Variants in FOXO3 observed in about 807,000 individuals in gnomAD.
FOXO3 encodes forkhead box O3, also known as forkhead box protein O3.
A neutral mutation model predicts 41.9 loss-of-function variants in FOXO3; 4 were observed. The observed-to-expected ratio is 0.10, with a 90% CI of 0.05 to 0.22. The LOEUF (loss-of-function observed/expected upper bound fraction) is 0.22, where lower values mean the gene tolerates loss of function less well. Among genes scored for constraint, FOXO3 ranks in the 10% least tolerant of loss-of-function variants. The pLI, the probability that FOXO3 is intolerant of heterozygous loss-of-function variation, is 1.00. For missense variants in FOXO3, 534 were observed against 906.8 expected, an observed-to-expected ratio of 0.59 and a Z score of 5.28; for synonymous variants, 318 against 389.3, an observed-to-expected ratio of 0.82 and a Z score of 2.16.
chr6:108,657,269 C>T (rs1331588636), intron 1 of FOXO3, among the ~76,000 whole-genome samples: 6 of 152,202 alleles, frequency 3.9e-5, no homozygotes, highest in Admixed American at 6.5e-5. Flanking sequence ...CAAGCTGGTA[C>T]ATTTGTCCCT....
intron 1 of FOXO3, among the ~76,000 whole-genome samples, chr6:108,593,712 CTTTTTTTTT>C (rs34228633): frequency 2.4e-5 from 2 of 83,328 alleles, no homozygotes; most frequent in Non-Finnish European, 4.5e-5. Flanking sequence ...TTTTCTTCTT[CTTTTTTTTT>C]TTTTTTTTTT....
chr6:108,637,205 C>T (rs1429402203), intron 1 of FOXO3, among the ~76,000 whole-genome samples: 2 of 152,156 alleles, frequency 1.3e-5, no homozygotes, highest in African/African-American at 4.8e-5. Flanking sequence ...TTTTTGTCTT[C>T]CTTAATTGTC....
rs537855402 is a variant in FOXO3, at chr6:108,668,135, G to A, written c.*34+3246G>A. ...AACTTTCTTGGTTTAACTTCTTAGT[G>A]TTTCTCCAGACTGAATTCCTGGCTT... On this transcript the variant is annotated intron_variant, in intron 2 of 2. Coordinates refer to ENST00000406360, the MANE Select transcript of FOXO3 (RefSeq NM_001455.4). Among the ~76,000 whole-genome samples the A allele has an allele frequency of 1.1e-3, 168 of 152,316 alleles. 1 individual carries two copies. The highest frequency in any genetic ancestry group is 3.8e-3 in the African/African-American group (156 of 41,552).
intron 1 of FOXO3, among the ~76,000 whole-genome samples, chr6:108,653,646 C>T (rs1260364145): frequency 2.0e-5 from 3 of 152,114 alleles, no homozygotes; most frequent in African/African-American, 4.8e-5. Flanking sequence ...AGCTTCCTGC[C>T]CTGGTTGCTT....
intron 2 of FOXO3, 34 bp downstream of exon 2, chr6:108,664,923 A>C: frequency 1.3e-6 from 2 of 1,552,424 alleles, no homozygotes; most frequent in Non-Finnish European, 1.7e-6. Context: ...AAAAATAACA[A>C]TATGGGGATG....
intron 2 of FOXO3, among the ~76,000 whole-genome samples, chr6:108,672,603 T>C (rs545334513): frequency 6.6e-6 from 1 of 152,346 alleles, no homozygotes; most frequent in Admixed American, 6.5e-5. Context: ...TAAAGAATAG[T>C]ATCACTTAGT....
chr6:108,669,729 G>A (rs114475072), intron 2 of FOXO3, among the ~76,000 whole-genome samples: 170 of 152,248 alleles, frequency 1.1e-3, no homozygotes, highest in African/African-American at 3.9e-3. Context: ...GGCTACATAC[G>A]CTGTTTTTTC....
intron 1 of FOXO3, among the ~76,000 whole-genome samples, chr6:108,624,927 G>A (rs529586321): frequency 1.4e-4 from 21 of 151,958 alleles, no homozygotes; most frequent in Non-Finnish European, 2.5e-4. Context: ...AAGCCACCAC[G>A]CTCAGTGTTT....
chr6:108,627,453 A>C (rs906815185), intron 1 of FOXO3, among the ~76,000 whole-genome samples: 5 of 152,190 alleles, frequency 3.3e-5, no homozygotes, highest in African/African-American at 9.7e-5. Flanking sequence ...AACAAACAAA[A>C]AAGGATAAAA....
At chr6:108,679,313 T>C (rs1280798509) in intron 2 of FOXO3, among the ~76,000 whole-genome samples, 1 of 151,708 alleles carries the variant, frequency 6.6e-6, no homozygotes, top group East Asian at 1.9e-4. Context: ...TCTCCACTGG[T>C]GTTGGGGTAT....
rs1267019960 is a variant in FOXO3, at chr6:108,683,866, A to G, written c.*4074A>G. ...CAATCACCAGTAAAGAGGTACGAAA[A>G]AGCTAGCCTCTCTCAGAGACCGGGG... is the stretch of plus-strand genomic sequence containing the variant. On this transcript the variant is annotated 3_prime_UTR_variant, in exon 3 of 3. Transcript: ENST00000406360. The G allele has an allele frequency of 6.6e-6, 1 of 152,472 alleles. No homozygotes were observed. Among genetic ancestry groups the G allele is most frequent in the African/African-American group, 2.4e-5 (1 of 41,570 alleles). 9.4% of individuals were successfully genotyped at this position (152,472 alleles called of 1,614,324 possible).
At chr6:108,560,770 CCGCCCCTCCCCCGGG>C (rs1348819446), upstream of FOXO3, 17 of 284,766 alleles carry the variant, frequency 6.0e-5, no homozygotes, top group South Asian at 3.0e-4. Flanking sequence ...AAAGGCGCGG[CCGCCCCTCCCCCGGG>C]CGCCCCTCCC....
At chr6:108,596,382 GAAAAAAAAAA>G (rs61683111) in intron 1 of FOXO3, among the ~76,000 whole-genome samples, 5 of 58,294 alleles carry the variant, frequency 8.6e-5, no homozygotes, top group African/African-American at 1.7e-4. Context: ...TGGCCTAAAT[GAAAAAAAAAA>G]AAAAAAAAAA....
At chr6:108,633,446 TGCAAC>T (rs1318577425) in intron 1 of FOXO3, among the ~76,000 whole-genome samples, 1 of 152,182 alleles carries the variant, frequency 6.6e-6, no homozygotes, top group Non-Finnish European at 1.5e-5. Flanking sequence ...TTAAGATATA[TGCAAC>T]TTAAAAAAAC....
intron 1 of FOXO3, among the ~76,000 whole-genome samples, chr6:108,610,754 T>A (rs1025073863): frequency 4.6e-5 from 7 of 152,190 alleles, no homozygotes; most frequent in Admixed American, 4.6e-4. Context: ...TTTCCTATAA[T>A]CCTGCTGTTT....
Position 108,573,509 on chromosome 6 carries a change from C to T in FOXO3, c.621+11680C>T, listed in dbSNP as rs186863349. ...TGGCTCCGTTATTTAGGCTCCTTCC[C>T]TTGATTTTTGCATGAGCTAAATAAC... On this transcript the variant is annotated intron_variant, in intron 1 of 2. Transcript: ENST00000406360. 1.3e-3 allele frequency among the ~76,000 whole-genome samples: 193 copies of T among 152,192 alleles called. 1 individual carries two copies. Among genetic ancestry groups the T allele is most frequent in the African/African-American group, 4.5e-3 (187 of 41,520 alleles).
At chr6:108,631,910 C>G (rs949027592) in intron 1 of FOXO3, among the ~76,000 whole-genome samples, 2 of 152,208 alleles carry the variant, frequency 1.3e-5, no homozygotes, top group South Asian at 2.1e-4. Flanking sequence ...CACCCCTCCC[C>G]CCTTTTTCCA....
At chr6:108,579,131 A>G (rs901621341) in intron 1 of FOXO3, among the ~76,000 whole-genome samples, 2 of 148,996 alleles carry the variant, frequency 1.3e-5, no homozygotes, top group African/African-American at 5.2e-5. Context: ...CATAAACACT[A>G]AAACAAAACA....
At chr6:108,649,430 A>T (rs1022742108) in intron 1 of FOXO3, among the ~76,000 whole-genome samples, 1 of 152,130 alleles carries the variant, frequency 6.6e-6, no homozygotes, top group Non-Finnish European at 1.5e-5. Flanking sequence ...TCAGTAACAC[A>T]AGAAACCCCT....
Sources: gnomAD v4.1 joint callset for allele counts (sites outside exome capture counted in the v4.1 genomes callset) on GRCh38, gnomAD v4.1.1 for gene constraint, MANE v1.5 for transcripts, NCBI Gene and HGNC (gene_info 2026-07-23, HGNC 2026-07-21) for gene names.